Variants in EYS observed in about 807,000 individuals in gnomAD.
EYS encodes the protein EGF-like photoreceptor maintenance factor.
EYS carries 250 observed loss-of-function variants against 282.1 expected under a neutral mutation model. That is an observed-to-expected ratio of 0.89 (90% CI 0.80 to 0.98). EYS has a LOEUF of 0.98. EYS is among the 50% of genes least tolerant of loss of function. EYS has a pLI of 0.00. For synonymous variants in EYS, 1,355 were observed against 1,282.9 expected (o/e 1.06, Z -1.20); for missense variants, 4,016 against 3,709.0 (o/e 1.08, Z -2.15).
At chr6:64,030,285 A>C (rs1769758287) in intron 33 of EYS, among the ~76,000 whole-genome samples, 1 of 152,204 alleles carries the variant, frequency 6.6e-6, no homozygotes, top group African/African-American at 2.4e-5. Flanking sequence ...AGTAGTAAAG[A>C]AAAAACAGTG....
At chr6:65,675,011 G>T (rs1250154701) in intron 1 of EYS, among the ~76,000 whole-genome samples, 1 of 151,916 alleles carries the variant, frequency 6.6e-6, no homozygotes, top group Admixed American at 6.6e-5. Context: ...TTTTTTGTAT[G>T]CAATTGAAAT....
chr6:64,508,668 T>A (rs1328272265), intron 26 of EYS, among the ~76,000 whole-genome samples: 1 of 151,334 alleles, frequency 6.6e-6, no homozygotes, highest in Non-Finnish European at 1.5e-5. Context: ...GTCTCAGGAC[T>A]CTCCTATGCT....
rs1044534941 is a variant in EYS, at chr6:63,788,257, A to AG, written c.7579-9dup. On this transcript the variant is annotated splice_polypyrimidine_tract_variant and intron_variant, in intron 38 of 42. Coordinates refer to ENST00000503581, the MANE Select transcript of EYS (RefSeq NM_001142800.2). ...ATTTTTATGATCATCTACCTTCGAA[A>AG]GGGAAAAAAAACCTATTAAAAAAGG... is the stretch of plus-strand genomic sequence containing the variant. 4.1e-5 allele frequency: 63 copies of AG among 1,523,486 alleles called. No individual in the cohort carries two copies. The highest frequency in any genetic ancestry group is 1.9e-4 in the Admixed American group (8 of 42,830). 94.4% of individuals were successfully genotyped at this position (1,523,486 alleles called of 1,614,324 possible).
intron 26 of EYS, among the ~76,000 whole-genome samples, chr6:64,452,472 T>A (rs1775389113): frequency 6.6e-6 from 1 of 152,166 alleles, no homozygotes; most frequent in Admixed American, 6.5e-5. Flanking sequence ...TCTATCAAGC[T>A]ACCAATGGCT....
chr6:63,843,590 T>C (rs1442589347), intron 36 of EYS, among the ~76,000 whole-genome samples: 3 of 152,184 alleles, frequency 2.0e-5, no homozygotes, highest in Non-Finnish European at 2.9e-5. Context: ...TTGGTATTGA[T>C]GGAACGTATC....
intron 26 of EYS, among the ~76,000 whole-genome samples, chr6:64,548,846 T>C (rs1222553362): frequency 1.3e-5 from 2 of 151,848 alleles, no homozygotes; most frequent in Non-Finnish European, 2.9e-5. Context: ...AAAGAAAGAA[T>C]AGCTGCTAAG....
chr6:64,747,250 T>C (rs1159561112), intron 22 of EYS, among the ~76,000 whole-genome samples: 1 of 152,216 alleles, frequency 6.6e-6, no homozygotes, highest in Non-Finnish European at 1.5e-5. Flanking sequence ...GAGAAGGCTT[T>C]CCCATAGTCA....
At chr6:64,446,346 G>C (rs1355972388) in intron 26 of EYS, among the ~76,000 whole-genome samples, 1 of 151,962 alleles carries the variant, frequency 6.6e-6, no homozygotes, top group Non-Finnish European at 1.5e-5. Context: ...TTTTTTAATA[G>C]ACTAGAAATA....
At chr6:65,479,669 G>T (rs1485098988) in intron 5 of EYS, among the ~76,000 whole-genome samples, 1 of 152,086 alleles carries the variant, frequency 6.6e-6, no homozygotes, top group Non-Finnish European at 1.5e-5. Context: ...AAAATTAACT[G>T]AGTGGATTAT....
chr6:65,080,209 A>G (rs1431096958), intron 12 of EYS, among the ~76,000 whole-genome samples: 1 of 152,070 alleles, frequency 6.6e-6, no homozygotes, highest in Non-Finnish European at 1.5e-5. Context: ...TCGACAGAAC[A>G]CGCCCAGAGT....
At chr6:64,050,881 C>G (rs35495794) in intron 33 of EYS, among the ~76,000 whole-genome samples, 32,794 of 152,096 alleles carry the variant, frequency 0.22, 3,768 homozygotes, top group Middle Eastern at 0.34. Context: ...AAAAGACATA[C>G]GGACTTAGCT....
chr6:65,239,714 G>A (rs901908182), intron 12 of EYS, among the ~76,000 whole-genome samples: 13 of 151,952 alleles, frequency 8.6e-5, no homozygotes, highest in Non-Finnish European at 1.0e-4. Context: ...TTGAAATTAA[G>A]ATATACATAT....
intron 33 of EYS, among the ~76,000 whole-genome samples, chr6:64,055,023 A>G (rs545252798): frequency 6.6e-6 from 1 of 152,262 alleles, no homozygotes; most frequent in East Asian, 1.9e-4. Context: ...TCCTAATGTC[A>G]TGGAAACAGA....
At chr6:65,428,953 C>T (rs758996904) in intron 5 of EYS, among the ~76,000 whole-genome samples, 14 of 151,952 alleles carry the variant, frequency 9.2e-5, no homozygotes, top group Non-Finnish European at 1.8e-4. Context: ...GAGGCCGAGG[C>T]AGGCAGATCA....
intron 31 of EYS, among the ~76,000 whole-genome samples, chr6:64,199,131 A>G (rs1765386143): frequency 6.6e-6 from 1 of 152,190 alleles, no homozygotes; most frequent in Non-Finnish European, 1.5e-5. Flanking sequence ...TAGCCAAGAC[A>G]ACCCTAAGCA....
rs181627194 is a variant in EYS at position 64,301,777 on chromosome 6, C to G, written c.6191+5193G>C. On this transcript the variant is annotated intron_variant, in intron 30 of 42. Transcript: ENST00000503581. ...ATGTTACCTACAAAAATAGTTCACT[C>G]CCCCATACCTAACGCTTTAACACTG... Among the ~76,000 whole-genome samples the G allele has an allele frequency of 7.4e-4, 112 of 152,256 alleles. 2 individuals carry two copies. The South Asian group carries it at 0.012, about 16-fold the overall frequency.
chr6:64,819,791 T>G (rs532442844), intron 21 of EYS, among the ~76,000 whole-genome samples: 9 of 152,090 alleles, frequency 5.9e-5, no homozygotes, highest in African/African-American at 2.2e-4. Flanking sequence ...CCAGACTTTA[T>G]AAAAGATTTG....
rs183018586 is a variant in EYS, at chr6:65,187,381, G to A, written c.2023+108482C>T. On this transcript the variant is annotated intron_variant, in intron 12 of 42. Coordinates refer to ENST00000503581, the MANE Select transcript of EYS (RefSeq NM_001142800.2). Reference sequence around the variant, plus strand: ...TTTTTTAATGTCAAGTATTAAAATAGCACGCATTTTTTCAACATATTCTAG... The same window carrying A: ...TTTTTTAATGTCAAGTATTAAAATAACACGCATTTTTTCAACATATTCTAG... Among the ~76,000 whole-genome samples the A allele has an allele frequency of 4.7e-4, 71 of 151,654 alleles. No individual in the cohort carries two copies. In the East Asian group the frequency reaches 0.013, roughly 28 times the overall value.
intron 26 of EYS, among the ~76,000 whole-genome samples, chr6:64,556,813 C>G (rs1349542657): frequency 6.6e-6 from 1 of 151,720 alleles, no homozygotes; most frequent in Non-Finnish European, 1.5e-5. Flanking sequence ...TTCATATTGG[C>G]CTGTTATCAC....
Sources: gnomAD v4.1 joint callset for allele counts (sites outside exome capture counted in the v4.1 genomes callset) on GRCh38, gnomAD v4.1.1 for gene constraint, MANE v1.5 for transcripts, NCBI Gene and HGNC (gene_info 2026-07-23, HGNC 2026-07-21) for gene names.